The following CLASP2 variants were observed in gnomAD, a reference collection of about 807,000 sequenced individuals.
CLASP2 encodes cytoplasmic linker associated protein 2.
Under a neutral mutation model 194.4 loss-of-function variants are expected in CLASP2, and 47 were observed. That is an observed-to-expected ratio of 0.24 (90% CI 0.19 to 0.31). CLASP2 has a LOEUF of 0.31. Ranked by LOEUF, CLASP2 falls within the 10% of genes least tolerant of loss-of-function variation. The pLI, the probability that CLASP2 is intolerant of heterozygous loss-of-function variation, is 1.00. For synonymous variants in CLASP2, 619 were observed against 633.5 expected, an observed-to-expected ratio of 0.98 and a Z score of 0.34; for missense variants, 1,445 against 1,823.6, an observed-to-expected ratio of 0.79 and a Z score of 3.78.
chr3:33,633,377 G>A (rs1255628112), intron 8 of CLASP2, among the ~76,000 whole-genome samples: 2 of 152,164 alleles, frequency 1.3e-5, no homozygotes, highest in Non-Finnish European at 2.9e-5. Context: ...GTTGAGACAA[G>A]AGAGGCTGAC....
At chr3:33,622,030 T>C (rs2077198639) in intron 11 of CLASP2, 105 bp downstream of exon 11, 1 of 844,836 alleles carries the variant, frequency 1.2e-6, no homozygotes. Context: ...TTTTGGATCA[T>C]ATACTTTTTT....
At chr3:33,570,682 A>C in intron 26 of CLASP2, 45 bp downstream of exon 26, 1 of 1,574,316 alleles carries the variant, frequency 6.4e-7, no homozygotes, top group Non-Finnish European at 8.6e-7. Context: ...ACAATATACA[A>C]ATGATACCCT....
intron 26 of CLASP2, among the ~76,000 whole-genome samples, chr3:33,567,892 T>G (rs1029143504): frequency 1.3e-5 from 2 of 152,294 alleles, no homozygotes; most frequent in Non-Finnish European, 2.9e-5. Flanking sequence ...AAACAAAGCC[T>G]ACCATTTTGC....
intron 5 of CLASP2, among the ~76,000 whole-genome samples, 166 bp from the exon 6 acceptor site, chr3:33,684,622 A>G (rs993733261): frequency 2.0e-5 from 3 of 152,216 alleles, no homozygotes; most frequent in African/African-American, 7.2e-5. Flanking sequence ...GCCTGCCAAG[A>G]TACTTCTAGA....
In CLASP2 at chr3:33,521,855, C is replaced by T. The variant is rs187108300; in HGVS notation, c.3788-4681G>A. Among the ~76,000 whole-genome samples the T allele has an allele frequency of 2.4e-3, 360 of 150,936 alleles. 2 individuals are homozygous for T. The highest frequency in any genetic ancestry group is 8.5e-3 in the African/African-American group (349 of 41,216). On this transcript the variant is annotated intron_variant, in intron 34 of 38. Transcript: ENST00000682230. ...TGGTTAATTTCTATCAATTTCAGCT[C>T]TCAGTACAGTAGCAACTACCCACTC...
intron 1 of CLASP2, among the ~76,000 whole-genome samples, chr3:33,708,076 G>C (rs1301208622): frequency 6.6e-6 from 1 of 152,032 alleles, no homozygotes; most frequent in East Asian, 1.9e-4. Context: ...CTGTTTTGTG[G>C]TGAGAACGTG....
chr3:33,695,954 C>A (rs184599773), intron 2 of CLASP2, among the ~76,000 whole-genome samples: 1 of 152,244 alleles, frequency 6.6e-6, no homozygotes, highest in East Asian at 1.9e-4. Context: ...TCCTAATAAC[C>A]ATACAAAGAA....
chr3:33,704,960 G>A (rs2092602294), intron 1 of CLASP2, among the ~76,000 whole-genome samples: 1 of 152,078 alleles, frequency 6.6e-6, no homozygotes. Context: ...GTAAAATGGT[G>A]CAGCCATTGA....
chr3:33,608,480 G>T (rs746300557), intron 14 of CLASP2, 87 bp downstream of exon 14: 25 of 1,061,792 alleles, frequency 2.4e-5, no homozygotes, highest in Non-Finnish European at 3.4e-5. Context: ...AGCAAAATGA[G>T]AAATAATGTA....
chr3:33,698,726 C>T (rs776516920), intron 1 of CLASP2, among the ~76,000 whole-genome samples: 5 of 152,186 alleles, frequency 3.3e-5, no homozygotes, highest in Non-Finnish European at 7.3e-5. Context: ...CATAGCTCCA[C>T]ACTATATGTA....
chr3:33,655,679 AAG>A (rs144047562), intron 7 of CLASP2, among the ~76,000 whole-genome samples: 97 of 152,270 alleles, frequency 6.4e-4, no homozygotes, highest in African/African-American at 2.2e-3. Flanking sequence ...AGCATGGAAG[AAG>A]AGAGATCTAT....
intron 6 of CLASP2, among the ~76,000 whole-genome samples, chr3:33,682,450 G>A (rs1341596802): frequency 6.6e-6 from 1 of 152,048 alleles, no homozygotes; most frequent in African/African-American, 2.4e-5. Flanking sequence ...CCAAGTAATA[G>A]GTAAATGAAG....
chr3:33,659,257 C>A, intron 7 of CLASP2: 1 of 1,252,512 alleles, frequency 8.0e-7, no homozygotes, highest in Non-Finnish European at 1.0e-6. Flanking sequence ...TGCACATATG[C>A]TGTTGGATAC....
At chr3:33,644,729 T>C in intron 8 of CLASP2, 28 bp downstream of exon 8, 2 of 1,611,656 alleles carry the variant, frequency 1.2e-6, no homozygotes, top group Non-Finnish European at 1.7e-6. Flanking sequence ...GGAGCATGCA[T>C]AACAGATTTG....
At chr3:33,627,268 G>T (rs988994358) in intron 9 of CLASP2, 188 bp from the exon 10 acceptor site, 14 of 581,158 alleles carry the variant, frequency 2.4e-5, no homozygotes, top group African/African-American at 3.8e-5. Context: ...TTCCTTACTT[G>T]TTACCATTTT....
At chr3:33,656,831 C>T (rs538237245) in intron 7 of CLASP2, among the ~76,000 whole-genome samples, 1 of 152,064 alleles carries the variant, frequency 6.6e-6, no homozygotes, top group African/African-American at 2.4e-5. Context: ...TTTTAAAAAG[C>T]TCCATCCCAT....
chr3:33,696,880 TG>T lies in CLASP2; in HGVS notation c.248del (p.Thr83AsnfsTer7). 1 of 1,595,298 alleles carries T rather than the reference TG, an allele frequency of 6.3e-7. No homozygotes were observed. Among genetic ancestry groups the T allele is most frequent in the Non-Finnish European group, 8.6e-7 (1 of 1,168,818 alleles). ...CCATTGCTACATAGGATTTAAAGCGTGTTGATAATCTGTCCACAAAGGCACT... is the reference window on the plus strand; with the variant it reads ...CCATTGCTACATAGGATTTAAAGCGTTTGATAATCTGTCCACAAAGGCACT... ...ILSAFVDRLSTRFKSYVAMVI... is the reference protein window; with the variant it reads ...ILSAFVDRLSXRFKSYVAMVI... On this transcript the variant is annotated frameshift_variant, in exon 2 of 39. Transcript: ENST00000682230. LOFTEE classifies it high-confidence loss of function.
intron 21 of CLASP2, among the ~76,000 whole-genome samples, chr3:33,589,469 G>A (rs1446632547): frequency 6.6e-6 from 1 of 151,962 alleles, no homozygotes; most frequent in East Asian, 1.9e-4. Flanking sequence ...TAATATTTCT[G>A]TGCAAATATA....
intron 20 of CLASP2, 83 bp downstream of exon 20, chr3:33,594,868 T>C (rs1165822559): frequency 2.8e-6 from 2 of 724,322 alleles, no homozygotes; most frequent in East Asian, 3.3e-5. Flanking sequence ...AATTAGCCTA[T>C]TTTAGTTCTA....
Sources: allele counts gnomAD v4.1 joint callset (sites outside exome capture counted in the v4.1 genomes callset), GRCh38; gene constraint gnomAD v4.1.1; transcripts MANE v1.5; gene names NCBI Gene and HGNC (gene_info 2026-07-23, HGNC 2026-07-21).